The following LTF variants were observed in gnomAD, a reference collection of about 807,000 sequenced individuals.
The protein encoded by LTF is lactotransferrin, also known as epididymis luminal protein 110.
A neutral mutation model predicts 87.2 loss-of-function variants in LTF; 91 were observed. The observed-to-expected ratio is 1.04, with a 90% CI of 0.88 to 1.24. LTF has a LOEUF of 1.24. Ranked by LOEUF, LTF falls within the 50% of genes most tolerant of loss-of-function variation. LTF has a pLI of 0.00. For missense variants in LTF, 901 were observed against 904.3 expected, an observed-to-expected ratio of 1.00 and a Z score of 0.05; for synonymous variants, 378 against 356.1, an observed-to-expected ratio of 1.06 and a Z score of -0.69.
chr3:46,460,876 CA>C (rs1703063576), intron 1 of LTF, among the ~76,000 whole-genome samples: 6 of 152,152 alleles, frequency 3.9e-5, no homozygotes, highest in African/African-American at 1.4e-4. Flanking sequence ...CCACAGGATA[CA>C]AGATCAATAT....
intron 1 of LTF, among the ~76,000 whole-genome samples, chr3:46,474,970 A>C (rs1703340564): frequency 6.6e-6 from 1 of 152,242 alleles, no homozygotes; most frequent in Non-Finnish European, 1.5e-5. Context: ...TCAGAGGGAA[A>C]TTTGTAGCAC....
chr3:46,440,561 TCTCC>T (rs1296335311), intron 14 of LTF, among the ~76,000 whole-genome samples: 1 of 152,230 alleles, frequency 6.6e-6, no homozygotes, highest in Non-Finnish European at 1.5e-5. Context: ...CTCTCTGCTC[TCTCC>T]CTTTAAGAAA....
At chr3:46,436,348 G>A in intron 16 of LTF, 119 bp from the exon 17 acceptor site, 4 of 888,730 alleles carry the variant, frequency 4.5e-6, no homozygotes, top group South Asian at 1.4e-5. Context: ...CCATCACTGA[G>A]TCAGTGCTTG....
At chr3:46,437,867 A>G (rs1009901297) in intron 16 of LTF, 73 bp downstream of exon 16, 3 of 1,160,146 alleles carry the variant, frequency 2.6e-6, no homozygotes, top group African/African-American at 3.1e-5. Context: ...CGTTCCTAGA[A>G]TGCTGTTTGG....
chr3:46,474,162 TTGGAAGAG>T lies in LTF; in HGVS notation c.-319-3704_-319-3697del, dbSNP rs547775583. Among the ~76,000 whole-genome samples the T allele has an allele frequency of 5.9e-5, 9 of 152,220 alleles. 1 individual carries two copies. In the South Asian group the frequency reaches 1.9e-3, roughly 32 times the overall value. Reference sequence around the variant, plus strand: ...AAATACTCCAATTAAAAGAATGGGATTGGAAGAGTGGATTAAAAAACATAACCCAGCTC... The same window carrying T: ...AAATACTCCAATTAAAAGAATGGGATTGGATTAAAAAACATAACCCAGCTC... On this transcript the variant is annotated intron_variant, in intron 1 of 19. Coordinates refer to the LTF transcript ENST00000443496.
chr3:46,456,694 C>G (rs1702945344), intron 2 of LTF, among the ~76,000 whole-genome samples: 1 of 152,178 alleles, frequency 6.6e-6, no homozygotes, highest in African/African-American at 2.4e-5. Flanking sequence ...GTCGTTTGTT[C>G]TAGATACTTT....
At chr3:46,443,171 G>A (rs960939189) in intron 13 of LTF, among the ~76,000 whole-genome samples, 7 of 152,216 alleles carry the variant, frequency 4.6e-5, no homozygotes, top group African/African-American at 1.4e-4. Flanking sequence ...TCAGGACGAG[G>A]CTATTGAGGC....
chr3:46,466,137 G>T (rs1486801423), upstream of LTF, among the ~76,000 whole-genome samples: 1 of 152,160 alleles, frequency 6.6e-6, no homozygotes, highest in Admixed American at 6.5e-5. Context: ...CTACTTGGGA[G>T]GCTAAAGTGG....
chr3:46,474,203 T>G (rs1703328519), intron 1 of LTF, among the ~76,000 whole-genome samples: 1 of 152,162 alleles, frequency 6.6e-6, no homozygotes, highest in South Asian at 2.1e-4. Flanking sequence ...CTCTAAGCTT[T>G]CCACAAGAAA....
chr3:46,458,815 T>G (rs988164651), intron 2 of LTF, among the ~76,000 whole-genome samples: 12 of 152,200 alleles, frequency 7.9e-5, no homozygotes, highest in African/African-American at 2.9e-4. Flanking sequence ...CCTCAGGTGA[T>G]CCTCCCACCT....
chr3:46,441,536 C>T (rs1702514350), intron 13 of LTF, 53 bp from the exon 14 acceptor site: 11 of 1,312,784 alleles, frequency 8.4e-6, no homozygotes, highest in Non-Finnish European at 1.2e-5. Flanking sequence ...ACTAGTGGGG[C>T]TTTCATAAAT....
intron 16 of LTF, 126 bp from the exon 17 acceptor site, chr3:46,436,355 C>T (rs529910157): frequency 3.6e-6 from 3 of 834,200 alleles, no homozygotes; most frequent in Non-Finnish European, 6.1e-6. Flanking sequence ...TGAGTCAGTG[C>T]TTGCCACACT....
chr3:46,455,790 T>G lies in LTF; in HGVS notation c.499+6A>C. 6.4e-7 allele frequency: 1 copy of G among 1,556,572 alleles called. No homozygotes were observed. ...GAGGCCACTCACTATCCCCCAGCCA[T>G]CTTACCTGCCTCAATGGGCTCAGGT... On this transcript the variant is annotated splice_donor_region_variant and intron_variant, in intron 4 of 16. Transcript: ENST00000231751.
rs772286305 is a variant in LTF at position 46,456,412 on chromosome 3, G to C, written c.208-14C>G. The C allele has an allele frequency of 1.2e-6, 2 of 1,605,878 alleles. No homozygotes were observed. Among genetic ancestry groups the C allele is most frequent in the Non-Finnish European group, 1.7e-6 (2 of 1,172,562 alleles). On this transcript the variant is annotated splice_polypyrimidine_tract_variant and intron_variant, in intron 2 of 16. Transcript: ENST00000231751. ...GGCCCTGTTTTCCTGAAAGTAAAGA[G>C]GCCAGACTGGCTTCAGCAGAAAACT...
At chr3:46,472,417 A>G (rs1575327333) in intron 1 of LTF, among the ~76,000 whole-genome samples, 1 of 151,636 alleles carries the variant, frequency 6.6e-6, no homozygotes, top group Non-Finnish European at 1.5e-5. Context: ...CAACCTAGCA[A>G]AACTTCATCC....
chr3:46,479,750 A>G (rs889073707), intron 1 of LTF, among the ~76,000 whole-genome samples: 2 of 152,028 alleles, frequency 1.3e-5, no homozygotes, highest in Non-Finnish European at 2.9e-5. Context: ...CTGGTCTCGA[A>G]CTCCTGACTT....
chr3:46,471,913 T>A (rs567968993), intron 1 of LTF, among the ~76,000 whole-genome samples: 1 of 151,962 alleles, frequency 6.6e-6, no homozygotes. Context: ...TGGGGACAAT[T>A]CCCCCAAATT....
chr3:46,451,033 T>C (rs564043569), intron 6 of LTF, among the ~76,000 whole-genome samples: 1 of 152,250 alleles, frequency 6.6e-6, no homozygotes, highest in African/African-American at 2.4e-5. Flanking sequence ...CAAGGGTTGC[T>C]CCCTTACTCA....
In LTF at chr3:46,450,622, T is replaced by A; in HGVS notation, c.755A>T (p.Asp252Val). Residue 252 changes from aspartate to valine, a missense_variant, in exon 7 of 17, where the codon GAC becomes GTC. Transcript: ENST00000231751. ...ERDEYELLCP[D>V]NTRKPVDKFK... is the part of the protein sequence containing the mutation. The stretch of plus-strand genomic sequence containing the variant: ...CTTGTCCACTGGCTTCCGAGTGTTG[T>A]CTGGGCAGAGTAACTCATACTCGTC... 7 of 1,614,178 alleles carry A rather than the reference T, an allele frequency of 4.3e-6. No individual in the cohort carries two copies. In the Middle Eastern group the frequency reaches 6.6e-4, roughly 152 times the overall value.
Sources: allele counts gnomAD v4.1 joint callset (sites outside exome capture counted in the v4.1 genomes callset), GRCh38; gene constraint gnomAD v4.1.1; transcripts MANE v1.5; gene names NCBI Gene and HGNC (gene_info 2026-07-23, HGNC 2026-07-21).